The following SLC4A10 variants were observed in gnomAD, a reference collection of about 807,000 sequenced individuals.
The protein encoded by SLC4A10 is solute carrier family 4 member 10, also known as sodium-driven chloride bicarbonate exchanger.
SLC4A10 carries 42 observed loss-of-function variants against 137.7 expected under a neutral mutation model. That is an observed-to-expected ratio of 0.30 (90% CI 0.24 to 0.39). The LOEUF (loss-of-function observed/expected upper bound fraction) is 0.39, where lower values mean the gene tolerates loss of function less well. Ranked by LOEUF, SLC4A10 falls within the 10% of genes least tolerant of loss-of-function variation. The pLI is 1.00. For missense variants in SLC4A10, 925 were observed against 1,355.0 expected (o/e 0.68, Z 4.98); for synonymous variants, 474 against 464.1 (o/e 1.02, Z -0.27).
chr2:161,730,881 G>A (rs931781052), intron 1 of SLC4A10, among the ~76,000 whole-genome samples: 5 of 152,132 alleles, frequency 3.3e-5, no homozygotes, highest in African/African-American at 9.7e-5. Context: ...AGTTAACCAC[G>A]TAAGAAGTAG....
chr2:161,668,429 A>G (rs1487637717), intron 1 of SLC4A10, among the ~76,000 whole-genome samples: 1 of 151,732 alleles, frequency 6.6e-6, no homozygotes, highest in African/African-American at 2.4e-5. Context: ...CAGAGAGTGG[A>G]TTATACAGAG....
At chr2:161,862,788 C>A in intron 5 of SLC4A10, 86 bp from the exon 6 acceptor site, 1 of 1,007,770 alleles carries the variant, frequency 9.9e-7, no homozygotes, top group Non-Finnish European at 1.3e-6. Context: ...TTGTTTAGGG[C>A]TTGCATATTT....
intron 1 of SLC4A10, among the ~76,000 whole-genome samples, chr2:161,718,826 C>T (rs2045268042): frequency 6.6e-6 from 1 of 152,118 alleles, no homozygotes; most frequent in Non-Finnish European, 1.5e-5. Flanking sequence ...TGATGCAGAG[C>T]TGACTTCAAG....
chr2:161,646,820 T>C (rs1191090110), intron 1 of SLC4A10, among the ~76,000 whole-genome samples: 2 of 152,064 alleles, frequency 1.3e-5, no homozygotes, highest in Non-Finnish European at 2.9e-5. Flanking sequence ...CAAAAATTTA[T>C]GGAAAGCCTT....
At chr2:161,725,030 A>C (rs2046070799) in intron 1 of SLC4A10, among the ~76,000 whole-genome samples, 1 of 152,184 alleles carries the variant, frequency 6.6e-6, no homozygotes, top group Non-Finnish European at 1.5e-5. Flanking sequence ...GCACATAGTT[A>C]CTGCTTACTA....
intron 1 of SLC4A10, among the ~76,000 whole-genome samples, chr2:161,729,512 GT>G (rs941384422): frequency 2.1e-4 from 32 of 151,800 alleles, no homozygotes; most frequent in South Asian, 4.2e-4. Flanking sequence ...ATACACAAAA[GT>G]TTTTTTTAAA....
intron 1 of SLC4A10, among the ~76,000 whole-genome samples, chr2:161,741,100 G>A (rs548801128): frequency 1.3e-5 from 2 of 151,812 alleles, no homozygotes; most frequent in African/African-American, 2.4e-5. Context: ...TGCTGAAACC[G>A]TGTCTCCACA....
chr2:161,756,760 C>G (rs1213774003), intron 1 of SLC4A10, among the ~76,000 whole-genome samples: 1 of 151,970 alleles, frequency 6.6e-6, no homozygotes, highest in Non-Finnish European at 1.5e-5. Context: ...AGAAAGAAGA[C>G]AGCATGATAC....
intron 10 of SLC4A10, among the ~76,000 whole-genome samples, chr2:161,886,783 A>AT (rs903890992): frequency 6.6e-6 from 1 of 151,600 alleles, no homozygotes; most frequent in Non-Finnish European, 1.5e-5. Context: ...ATCAATCTTA[A>AT]TTTTTTTTGT....
At chr2:161,690,528 G>A (rs1239005890) in intron 1 of SLC4A10, among the ~76,000 whole-genome samples, 1 of 152,040 alleles carries the variant, frequency 6.6e-6, no homozygotes, top group Non-Finnish European at 1.5e-5. Flanking sequence ...CAATAGCAAA[G>A]ACATGGAATC....
At chr2:161,651,880 G>C (rs1349818299) in intron 1 of SLC4A10, among the ~76,000 whole-genome samples, 1 of 152,196 alleles carries the variant, frequency 6.6e-6, no homozygotes, top group Non-Finnish European at 1.5e-5. Flanking sequence ...CTGCTCAGCT[G>C]AGTGGGCAGA....
intron 1 of SLC4A10, among the ~76,000 whole-genome samples, chr2:161,698,659 A>G (rs1406828204): frequency 6.6e-6 from 1 of 152,178 alleles, no homozygotes; most frequent in Admixed American, 6.5e-5. Flanking sequence ...GATGAAGCCC[A>G]CTTGATCATG....
chr2:161,700,764 T>A (rs749115230), intron 1 of SLC4A10, among the ~76,000 whole-genome samples: 1 of 152,088 alleles, frequency 6.6e-6, no homozygotes, highest in Non-Finnish European at 1.5e-5. Flanking sequence ...TCAAAAGGCA[T>A]CAGAATATAA....
chr2:161,686,814 C>T (rs1359560831), intron 1 of SLC4A10, among the ~76,000 whole-genome samples: 3 of 151,634 alleles, frequency 2.0e-5, no homozygotes, highest in African/African-American at 4.8e-5. Flanking sequence ...ATGGTTAGTC[C>T]GTAGGCAGAG....
chr2:161,896,373 C>T (rs2063505040), intron 11 of SLC4A10, among the ~76,000 whole-genome samples: 1 of 151,944 alleles, frequency 6.6e-6, no homozygotes, highest in African/African-American at 2.4e-5. Context: ...GTTCTTTTGG[C>T]TTAGGATTGA....
At chr2:161,874,719 G>A (rs1559436667) in intron 8 of SLC4A10, among the ~76,000 whole-genome samples, 1 of 152,160 alleles carries the variant, frequency 6.6e-6, no homozygotes, top group Non-Finnish European at 1.5e-5. Flanking sequence ...ATGGCACACT[G>A]GAAAGAATGT....
chr2:161,774,531 T>C (rs1225354916), intron 2 of SLC4A10, among the ~76,000 whole-genome samples: 2 of 151,766 alleles, frequency 1.3e-5, no homozygotes, highest in African/African-American at 2.4e-5. Flanking sequence ...ATACCTACGT[T>C]CCTCCCCAAG....
At chr2:161,639,289 A>G (rs1175864582) in intron 1 of SLC4A10, among the ~76,000 whole-genome samples, 2 of 152,116 alleles carry the variant, frequency 1.3e-5, no homozygotes, top group East Asian at 3.9e-4. Flanking sequence ...GGCCAGCAAT[A>G]CCCTGATACC....
intron 1 of SLC4A10, among the ~76,000 whole-genome samples, chr2:161,724,524 T>TA (rs2046022282): frequency 6.6e-6 from 1 of 152,192 alleles, no homozygotes. Flanking sequence ...ACAAGATAGA[T>TA]ATAATCTTTA....
Sources: allele counts gnomAD v4.1 joint callset (sites outside exome capture counted in the v4.1 genomes callset), GRCh38; gene constraint gnomAD v4.1.1; transcripts MANE v1.5; gene names NCBI Gene and HGNC (gene_info 2026-07-23, HGNC 2026-07-21).